The following PACSIN2 variants were observed in gnomAD, a reference collection of about 807,000 sequenced individuals.
PACSIN2 encodes protein kinase C and casein kinase substrate in neurons 2.
In PACSIN2, 25 loss-of-function variants were observed where a neutral mutation model predicts 63.8. That is an observed-to-expected ratio of 0.39 (90% CI 0.29 to 0.55). The LOEUF (loss-of-function observed/expected upper bound fraction) is 0.55, where lower values mean the gene tolerates loss of function less well. Among genes scored for constraint, PACSIN2 ranks in the 20% least tolerant of loss-of-function variants. The pLI is 0.62. For synonymous variants in PACSIN2, 255 were observed against 256.2 expected (o/e 1.00, Z 0.05); for missense variants, 518 against 646.9 (o/e 0.80, Z 2.16).
At chr22:43,002,372 C>T (rs1923825240) in intron 1 of PACSIN2, 1 of 152,190 alleles carries the variant, frequency 6.6e-6, no homozygotes, top group African/African-American at 2.4e-5. Flanking sequence ...GAACGTGGAA[C>T]ATTAGCTCCA....
At chr22:42,898,417 A>G (rs890151389) in intron 2 of PACSIN2, among the ~76,000 whole-genome samples, 2 of 151,850 alleles carry the variant, frequency 1.3e-5, no homozygotes, top group Admixed American at 6.6e-5. Flanking sequence ...GATTACAGAC[A>G]TGCGCCACCA....
At position 42,928,655 on chromosome 22, in the gene PACSIN2, G is replaced by A. The variant is rs189485195; in HGVS notation, c.-77-16498C>T. 1.4e-4 allele frequency among the ~76,000 whole-genome samples: 21 copies of A among 152,304 alleles called. No individual in the cohort carries two copies. The East Asian group carries it at 3.7e-3, about 27-fold the overall frequency. ...AGTACACCCCAAAATAGTGGTGGAG[G>A]CACTTGTAGGTAATCAGGCTGGTGA... On this transcript the variant is annotated intron_variant, in intron 1 of 10. Transcript: ENST00000263246.
intron 1 of PACSIN2, among the ~76,000 whole-genome samples, chr22:42,982,881 A>C (rs1201119915): frequency 7.5e-6 from 1 of 134,160 alleles, no homozygotes; most frequent in Non-Finnish European, 1.6e-5. Context: ...AAAAAAAAAA[A>C]AAAAAAAAAC....
chr22:43,009,437 G>A (rs563773463), intron 1 of PACSIN2, among the ~76,000 whole-genome samples: 1 of 152,354 alleles, frequency 6.6e-6, no homozygotes, highest in South Asian at 2.1e-4. Context: ...AGGTGAGAGG[G>A]AGCTTAGAGA....
chr22:42,949,142 T>C (rs1044420628), intron 1 of PACSIN2, among the ~76,000 whole-genome samples: 8 of 152,140 alleles, frequency 5.3e-5, no homozygotes, highest in East Asian at 3.9e-4. Context: ...GGACAAAACA[T>C]TTCTTAAATA....
chr22:42,959,034 AC>A (rs1934028627), intron 1 of PACSIN2, among the ~76,000 whole-genome samples: 1 of 152,200 alleles, frequency 6.6e-6, no homozygotes, highest in South Asian at 2.1e-4. Context: ...TTGTTACCCG[AC>A]AAAAATATAA....
At chr22:42,964,615 AC>A in intron 1 of PACSIN2, among the ~76,000 whole-genome samples, 1 of 152,112 alleles carries the variant, frequency 6.6e-6, no homozygotes, top group African/African-American at 2.4e-5. Context: ...GAGGTGGGGT[AC>A]CTGGCAGCCT....
chr22:42,964,102 C>T (rs901390162), intron 1 of PACSIN2, among the ~76,000 whole-genome samples: 1 of 152,176 alleles, frequency 6.6e-6, no homozygotes, highest in Admixed American at 6.5e-5. Context: ...TTCCCCAGCC[C>T]GCGGCAGTCA....
chr22:42,963,902 TA>T (rs370197986), intron 1 of PACSIN2, among the ~76,000 whole-genome samples: 1,611 of 145,098 alleles, frequency 0.011, 32 homozygotes, highest in South Asian at 0.049. Context: ...TATACTGCCT[TA>T]AAAAAAAAAC....
chr22:42,893,433 A>G (rs1345376633), intron 3 of PACSIN2, 24 bp downstream of exon 3: 2 of 1,607,460 alleles, frequency 1.2e-6, no homozygotes, highest in South Asian at 1.1e-5. Context: ...TCCAGGCCAC[A>G]GGACCTGTGC....
chr22:42,977,454 TTAAAA>T (rs1921782841), intron 1 of PACSIN2, among the ~76,000 whole-genome samples: 2 of 152,200 alleles, frequency 1.3e-5, no homozygotes, highest in East Asian at 1.9e-4. Flanking sequence ...AAAACACAAA[TTAAAA>T]TAAAAGTGCT....
chr22:42,956,964 T>C lies in PACSIN2; in HGVS notation c.-77-44807A>G, dbSNP rs140534318. The stretch of plus-strand genomic sequence containing the variant: ...TTATACACTAAGAAAAGGAAGCCGA[T>C]TGGAATATTCTATACTTAATATATA... On this transcript the variant is annotated intron_variant, in intron 1 of 10. Transcript: ENST00000263246. 1.2e-4 allele frequency among the ~76,000 whole-genome samples: 19 copies of C among 152,272 alleles called. No individual in the cohort carries two copies. In the East Asian group the frequency reaches 1.9e-3, roughly 15 times the overall value.
chr22:42,982,896 A>AAAAC (rs1488940944), intron 1 of PACSIN2, among the ~76,000 whole-genome samples: 1 of 148,280 alleles, frequency 6.7e-6, no homozygotes, highest in African/African-American at 2.5e-5. Context: ...AAAAACAACA[A>AAAAC]CAAGGCTAGG....
At chr22:42,974,764 AAG>A (rs1044763756) in intron 1 of PACSIN2, among the ~76,000 whole-genome samples, 4 of 150,672 alleles carry the variant, frequency 2.7e-5, no homozygotes, top group African/African-American at 9.9e-5. Flanking sequence ...AAAAAAAAAA[AAG>A]AAAAGAAAAG....
rs145554651 is a variant in PACSIN2 at position 42,875,496 on chromosome 22, G to A, written c.1348+641C>T. 8.2e-4 allele frequency among the ~76,000 whole-genome samples: 125 copies of A among 151,586 alleles called. 1 individual carries two copies. The highest frequency in any genetic ancestry group is 1.5e-3 in the Non-Finnish European group (101 of 67,868). ...GTGATCCTCCCACCTCAGCCTCCCA[G>A]AGAGCTGGGACTACAGGCATGTGCC... On this transcript the variant is annotated intron_variant, in intron 10 of 10. Transcript: ENST00000263246.
intron 1 of PACSIN2, among the ~76,000 whole-genome samples, chr22:42,992,989 C>T (rs138269578): frequency 4.6e-5 from 7 of 152,206 alleles, no homozygotes; most frequent in Middle Eastern, 6.8e-3. Flanking sequence ...CACAGTGAAG[C>T]CCCGTCTCTA....
rs1231435575 is a variant in PACSIN2, at chr22:42,995,911, AG to A, written c.-78+19109del. 2.6e-5 allele frequency among the ~76,000 whole-genome samples: 4 copies of A among 152,296 alleles called. No homozygotes were observed. In the East Asian group the frequency reaches 5.8e-4, roughly 22 times the overall value. On this transcript the variant is annotated intron_variant, in intron 1 of 10. Coordinates refer to ENST00000263246, the MANE Select transcript of PACSIN2 (RefSeq NM_001184970.3). Reference sequence around the variant, plus strand: ...AGACCTGCCCCCTTCCCCAGTCTCCAGAAAAATTTAAAAATTAGCCAGGTAT... The same window carrying A: ...AGACCTGCCCCCTTCCCCAGTCTCCAAAAAATTTAAAAATTAGCCAGGTAT...
chr22:42,953,593 A>T (rs1933792052), intron 1 of PACSIN2, among the ~76,000 whole-genome samples: 1 of 152,238 alleles, frequency 6.6e-6, no homozygotes, highest in Non-Finnish European at 1.5e-5. Flanking sequence ...GCTCTCAGCT[A>T]CAATTTGAGA....
chr22:42,880,374 T>C (rs1381972092), intron 7 of PACSIN2, among the ~76,000 whole-genome samples: 1 of 152,224 alleles, frequency 6.6e-6, no homozygotes, highest in Admixed American at 6.5e-5. Context: ...AATTGGAACC[T>C]CAGAGTTCTC....
Sources: allele counts gnomAD v4.1 joint callset (sites outside exome capture counted in the v4.1 genomes callset), GRCh38; gene constraint gnomAD v4.1.1; transcripts MANE v1.5; gene names NCBI Gene and HGNC (gene_info 2026-07-23, HGNC 2026-07-21).